Variants in KCNIP4 observed in about 807,000 individuals in gnomAD.
KCNIP4 encodes potassium voltage-gated channel interacting protein 4.
A neutral mutation model predicts 34.0 loss-of-function variants in KCNIP4; 12 were observed. That is an observed-to-expected ratio of 0.35 (90% confidence interval 0.23 to 0.57). The LOEUF (loss-of-function observed/expected upper bound fraction) is 0.57. KCNIP4 is among the 20% of genes least tolerant of loss of function. The pLI is 0.83. For missense variants in KCNIP4, 238 were observed against 311.7 expected, an observed-to-expected ratio of 0.76 and a Z score of 1.78; for synonymous variants, 124 against 102.2, an observed-to-expected ratio of 1.21 and a Z score of -1.29.
rs554283077 is a variant in KCNIP4 at position 21,415,556 on chromosome 4, G to T, written c.62-532847C>A. ...AAATTACAAAAAAAAAAAAAAATTA[G>T]CCAGGTGTGGTGGCGCACGCTTGTA... is the stretch of plus-strand genomic sequence containing the variant. On this transcript the variant is annotated intron_variant, in intron 1 of 8. Transcript: ENST00000382152. 2.0e-5 allele frequency among the ~76,000 whole-genome samples: 3 copies of T among 151,346 alleles called. No homozygotes were observed. The South Asian group carries it at 6.3e-4, about 32-fold the overall frequency.
chr4:21,597,616 A>G (rs1742760317), intron 1 of KCNIP4, among the ~76,000 whole-genome samples: 1 of 152,182 alleles, frequency 6.6e-6, no homozygotes, highest in African/African-American at 2.4e-5. Flanking sequence ...GTATGAAAGA[A>G]AAGTGTTTTC....
chr4:21,109,441 T>G (rs185107431), intron 1 of KCNIP4, among the ~76,000 whole-genome samples: 179 of 152,368 alleles, frequency 1.2e-3, no homozygotes, highest in African/African-American at 4.2e-3. Context: ...TGCCGTTTTT[T>G]AAGCCCGTCA....
chr4:21,600,708 C>T (rs1743039434), intron 1 of KCNIP4, among the ~76,000 whole-genome samples: 1 of 152,078 alleles, frequency 6.6e-6, no homozygotes, highest in Admixed American at 6.6e-5. Context: ...CATGTGTTTA[C>T]AACACTTTCG....
At chr4:20,840,447 G>A (rs1337340804) in intron 3 of KCNIP4, among the ~76,000 whole-genome samples, 1 of 152,120 alleles carries the variant, frequency 6.6e-6, no homozygotes, top group Non-Finnish European at 1.5e-5. Flanking sequence ...TACATAGGAA[G>A]ACGTATTTCT....
intron 5 of KCNIP4, among the ~76,000 whole-genome samples, chr4:20,741,364 A>T (rs1751057390): frequency 6.6e-6 from 1 of 152,244 alleles, no homozygotes; most frequent in African/African-American, 2.4e-5. Context: ...AAATTATAAC[A>T]AACTGTCTCT....
chr4:21,240,072 T>C (rs900488960), intron 1 of KCNIP4, among the ~76,000 whole-genome samples: 2 of 151,640 alleles, frequency 1.3e-5, no homozygotes, highest in African/African-American at 4.8e-5. Flanking sequence ...ATGTCCTTTG[T>C]AGGGACATGG....
chr4:21,195,422 A>G (rs1173409223), intron 1 of KCNIP4, among the ~76,000 whole-genome samples: 1 of 152,246 alleles, frequency 6.6e-6, no homozygotes, highest in Non-Finnish European at 1.5e-5. Context: ...ACTTAGCAAC[A>G]ATATAGTCAT....
In KCNIP4 at chr4:20,842,419, C is replaced by T. The variant is rs191850687; in HGVS notation, c.288+8124G>A. Among the ~76,000 whole-genome samples the T allele has an allele frequency of 1.1e-3, 167 of 151,838 alleles. 1 individual carries two copies. Among genetic ancestry groups the T allele is most frequent in the African/African-American group, 3.6e-3 (148 of 41,388 alleles). ...ATAGGGATGAGTGAGGGGTGAGACG[C>T]GAAAAGTCAGCAGAAGATGGTTGGT... On this transcript the variant is annotated intron_variant, in intron 3 of 8. Coordinates refer to ENST00000382152, the MANE Select transcript of KCNIP4 (RefSeq NM_025221.6).
intron 1 of KCNIP4, among the ~76,000 whole-genome samples, chr4:21,760,437 GAT>G (rs1717970738): frequency 1.2e-5 from 1 of 82,302 alleles, no homozygotes; most frequent in African/African-American, 8.4e-5. Context: ...CCTTCAATTA[GAT>G]ACATGTTCAT....
intron 1 of KCNIP4, among the ~76,000 whole-genome samples, chr4:20,926,004 G>T (rs572702221): frequency 6.6e-6 from 1 of 152,286 alleles, no homozygotes; most frequent in South Asian, 2.1e-4. Context: ...GGTCACATAG[G>T]TGCTCTCTGC....
chr4:21,132,369 G>T (rs1577749733), intron 1 of KCNIP4, among the ~76,000 whole-genome samples: 1 of 152,126 alleles, frequency 6.6e-6, no homozygotes, highest in South Asian at 2.1e-4. Flanking sequence ...CCTCATACTT[G>T]TGGAATGAAT....
chr4:20,728,720 C>T lies in KCNIP4; in HGVS notation c.*1362G>A, dbSNP rs1746802717. Reference sequence around the variant, plus strand: ...ATTTCAGTGTACATGTATTGTACTACTCTTAATTTCTACACTGGTGATAGC... The same window carrying T: ...ATTTCAGTGTACATGTATTGTACTATTCTTAATTTCTACACTGGTGATAGC... On this transcript the variant is annotated 3_prime_UTR_variant, in exon 9 of 9. Coordinates refer to ENST00000382152, the MANE Select transcript of KCNIP4 (RefSeq NM_025221.6). 6.6e-6 allele frequency: 1 copy of T among 152,576 alleles called. No individual in the cohort carries two copies. The highest frequency in any genetic ancestry group is 2.1e-4 in the South Asian group (1 of 4,828). 9.5% of individuals were successfully genotyped at this position (152,576 alleles called of 1,614,324 possible). A position where few individuals can be genotyped will look rare whatever the true frequency, so the allele number is the denominator to read the frequency against.
intron 1 of KCNIP4, among the ~76,000 whole-genome samples, chr4:21,218,164 C>T (rs775290422): frequency 9.2e-5 from 14 of 151,736 alleles, no homozygotes; most frequent in East Asian, 3.9e-4. Flanking sequence ...TACAGGCACC[C>T]GCCACCATGC....
intron 1 of KCNIP4, among the ~76,000 whole-genome samples, chr4:21,639,584 C>A (rs892988238): frequency 3.9e-5 from 6 of 151,984 alleles, no homozygotes; most frequent in Non-Finnish European, 8.8e-5. Flanking sequence ...TGATAAATTG[C>A]ACATAATGTT....
chr4:21,193,828 C>A (rs975956920), intron 1 of KCNIP4, among the ~76,000 whole-genome samples: 7 of 152,132 alleles, frequency 4.6e-5, no homozygotes, highest in Admixed American at 1.3e-4. Flanking sequence ...ACCTCGGCCT[C>A]CCAAAGTGCT....
chr4:21,856,217 G>A (rs750090536), intron 1 of KCNIP4, among the ~76,000 whole-genome samples: 5 of 152,316 alleles, frequency 3.3e-5, no homozygotes, highest in East Asian at 1.9e-4. Flanking sequence ...CCTGGAGACC[G>A]TGTGGACTCT....
At chr4:20,830,939 T>C (rs954111523) in intron 3 of KCNIP4, among the ~76,000 whole-genome samples, 34 of 152,180 alleles carry the variant, frequency 2.2e-4, no homozygotes, top group South Asian at 4.1e-4. Flanking sequence ...CAGGATCTAA[T>C]AGCAGAGAAG....
intron 1 of KCNIP4, among the ~76,000 whole-genome samples, chr4:21,391,301 G>A (rs909667601): frequency 6.6e-6 from 1 of 151,858 alleles, no homozygotes; most frequent in African/African-American, 2.4e-5. Flanking sequence ...TTTAGTTTAT[G>A]TTGGGACACT....
At chr4:21,532,762 C>A (rs1308465911) in intron 1 of KCNIP4, among the ~76,000 whole-genome samples, 1 of 152,054 alleles carries the variant, frequency 6.6e-6, no homozygotes, top group East Asian at 1.9e-4. Context: ...GATGGGCAGG[C>A]AGCAGTGTTA....
Sources: gnomAD v4.1 joint callset for allele counts (sites outside exome capture counted in the v4.1 genomes callset) on GRCh38, gnomAD v4.1.1 for gene constraint, MANE v1.5 for transcripts, NCBI Gene and HGNC (gene_info 2026-07-23, HGNC 2026-07-21) for gene names.